The following MYO7A variants were observed in gnomAD, a reference collection of about 807,000 sequenced individuals.
The protein encoded by MYO7A is unconventional myosin-VIIa.
In MYO7A, 210 loss-of-function variants were observed where a neutral mutation model predicts 263.8. The ratio of observed to expected loss-of-function variants is 0.80; its 90% confidence interval spans 0.71 to 0.89. The LOEUF is 0.89. Among genes scored for constraint, MYO7A ranks in the 40% least tolerant of loss-of-function variants. The pLI, the probability that MYO7A is intolerant of heterozygous loss-of-function variation, is 0.00. For synonymous variants in MYO7A, 1,239 were observed against 1,197.3 expected (o/e 1.03, Z -0.72); for missense variants, 2,820 against 2,968.3 (o/e 0.95, Z 1.16).
chr11:77,153,393 G>T (rs118107987), intron 4 of MYO7A, among the ~76,000 whole-genome samples: 4,678 of 152,248 alleles, frequency 0.031, 143 homozygotes, highest in South Asian at 0.12. Context: ...GTGGCATTGA[G>T]TAGGGACATC....
chr11:77,163,621 C>T (rs1953229655), intron 14 of MYO7A, among the ~76,000 whole-genome samples: 3 of 152,162 alleles, frequency 2.0e-5, no homozygotes, highest in African/African-American at 7.2e-5. Flanking sequence ...ATCTTAGCCA[C>T]CACTATTGTA....
rs111865209 is a variant in MYO7A at position 77,174,347 on chromosome 11, G to A, written c.1936-409G>A. On this transcript the variant is annotated intron_variant, in intron 16 of 48. Transcript: ENST00000409709. Reference sequence around the variant, plus strand: ...CCCTCACCTGCACAGCCATAACTTGGCCTGGACGAGCCTCTCTAGCTCCCT... The same window carrying A: ...CCCTCACCTGCACAGCCATAACTTGACCTGGACGAGCCTCTCTAGCTCCCT... Among the ~76,000 whole-genome samples, 1,476 of 152,248 alleles carry A rather than the reference G, an allele frequency of 9.7e-3. 20 individuals are homozygous for A. Among genetic ancestry groups the A allele is most frequent in the African/African-American group, 0.031 (1,299 of 41,536 alleles).
At chr11:77,192,964 GA>G (rs1298254630) in intron 31 of MYO7A, among the ~76,000 whole-genome samples, 23 of 27,490 alleles carry the variant, frequency 8.4e-4, no homozygotes, top group African/African-American at 4.2e-3. Context: ...TGGTGTTGGT[GA>G]TGGTGGAGGT....
intron 2 of MYO7A, among the ~76,000 whole-genome samples, chr11:77,133,570 A>G (rs1395057229): frequency 6.6e-6 from 1 of 152,246 alleles, no homozygotes; most frequent in Non-Finnish European, 1.5e-5. Context: ...TACTATTTGC[A>G]TGAAATCCTT....
At chr11:77,180,716 G>A (rs1478371711) in intron 22 of MYO7A, among the ~76,000 whole-genome samples, 1 of 152,208 alleles carries the variant, frequency 6.6e-6, no homozygotes, top group East Asian at 1.9e-4. Context: ...GCCCTCAGCA[G>A]CCCCTTTCTA....
intron 1 of MYO7A, among the ~76,000 whole-genome samples, chr11:77,129,401 G>A (rs1950698416): frequency 6.6e-6 from 1 of 152,192 alleles, no homozygotes; most frequent in African/African-American, 2.4e-5. Flanking sequence ...GAATGCCCCG[G>A]CGGCTCTGAA....
rs111768640 is a variant in MYO7A, at chr11:77,211,071, G to A, written c.6052-81G>A. 7.5e-5 allele frequency: 99 copies of A among 1,322,956 alleles called. 2 individuals are homozygous for A. The African/African-American group carries it at 8.7e-4, about 12-fold the overall frequency. 82.0% of individuals were successfully genotyped at this position (1,322,956 alleles called of 1,614,324 possible). On this transcript the variant is annotated intron_variant, in intron 44 of 48. Coordinates refer to ENST00000409709, the MANE Select transcript of MYO7A (RefSeq NM_000260.4). The stretch of plus-strand genomic sequence containing the variant: ...GCGGGGTAAGGTGGTAGACCCCGGC[G>A]TTGGGGGTCTTGGTGTGGTGGGAAA...
chr11:77,165,866 G>A (rs1204626414), intron 14 of MYO7A, among the ~76,000 whole-genome samples, 190 bp from the exon 15 acceptor site: 3 of 152,088 alleles, frequency 2.0e-5, no homozygotes, highest in African/African-American at 7.2e-5. Flanking sequence ...CTGTGTCACT[G>A]GGGAGATGGC....
intron 14 of MYO7A, among the ~76,000 whole-genome samples, chr11:77,165,818 C>A (rs1156284741): frequency 6.6e-6 from 1 of 152,074 alleles, no homozygotes. Flanking sequence ...GAGACTGAGA[C>A]CCCCCTGCCC....
rs1174430126 is a variant in MYO7A at position 77,194,358 on chromosome 11, A to G, written c.4157A>G (p.Asp1386Gly). The G allele has an allele frequency of 1.2e-6, 2 of 1,611,426 alleles. No homozygotes were observed. The highest frequency in any genetic ancestry group is 1.7e-6 in the Non-Finnish European group (2 of 1,178,824). ...KFGEYRCEKE[D>G]DLAELASQQY... is the part of the protein sequence containing the mutation. ...CCGAGGCCTCCCCCCACCTAGGAGG[A>G]CGACCTGGCTGAGCTGGCCTCCCAG... is the stretch of plus-strand genomic sequence containing the variant. The change falls in exon 32 of 49, where the codon GAC becomes GGC. Residue 1386 changes from aspartate (D) to glycine (G), a missense_variant. Asp to Gly is a moderately conservative substitution (Grantham distance 94, BLOSUM62 -1). Coordinates refer to ENST00000409709, the MANE Select transcript of MYO7A (RefSeq NM_000260.4).
intron 36 of MYO7A, among the ~76,000 whole-genome samples, chr11:77,202,045 C>T: frequency 6.6e-6 from 1 of 152,140 alleles, no homozygotes; most frequent in Admixed American, 6.5e-5. Flanking sequence ...TACCATGTCC[C>T]GCTGCCTTGT....
At position 77,174,822 on chromosome 11, in the gene MYO7A, C is replaced by T. The variant is rs397516292; in HGVS notation, c.2002C>T (p.Arg668Cys). The T allele has an allele frequency of 3.5e-5, 57 of 1,613,186 alleles. No homozygotes were observed. The highest frequency in any genetic ancestry group is 6.7e-5 in the African/African-American group (5 of 74,940). The change falls in exon 17 of 49, where the codon CGC (arginine) becomes TGC (cysteine). Residue 668 changes from arginine (R) to cysteine (C), a missense_variant. Transcript: ENST00000409709. ...YSGMMETIRIRRAGYPIRYSF... is the reference protein window; with the variant it reads ...YSGMMETIRICRAGYPIRYSF... ...AGGAATGATGGAGACCATCCGAATC[C>T]GCCGAGCTGGCTACCCCATCCGCTA...
chr11:77,155,661 T>C lies in MYO7A; in HGVS notation c.286-246T>C, dbSNP rs75951912. ...AGATGAAGAGAAGGAAATCTAGGCT[T>C]AGAGACTCCACCTCCCTCTTCATCA... On this transcript the variant is annotated intron_variant, in intron 4 of 48. Coordinates refer to ENST00000409709, the MANE Select transcript of MYO7A (RefSeq NM_000260.4). Among the ~76,000 whole-genome samples, 5,587 of 152,290 alleles carry C rather than the reference T, an allele frequency of 0.037. 363 individuals are homozygous for C. The highest frequency in any genetic ancestry group is 0.13 in the African/African-American group (5,339 of 41,538).
Position 77,190,810 on chromosome 11 carries a change from C to G in MYO7A, c.3864C>G (p.Ala1288=), listed in dbSNP as rs144657938. ...TTAKELCNAL[A]DKISLKDRFG... ...CCAAGGAGCTCTGCAACGCGCTGGC[C>G]GACAAGATCTCTCTCAAGGACCGGT... is the stretch of plus-strand genomic sequence containing the variant. Residue 1288 remains alanine (A), a synonymous_variant, in exon 30 of 49, where the codon GCC becomes GCG. Transcript: ENST00000409709. The G allele has an allele frequency of 8.8e-6, 14 of 1,591,572 alleles. No homozygotes were observed. The highest frequency in any genetic ancestry group is 1.6e-4 in the Middle Eastern group (1 of 6,064).
intron 3 of MYO7A, among the ~76,000 whole-genome samples, chr11:77,144,005 A>G (rs12280483): frequency 0.48 from 72,316 of 151,978 alleles, 18,539 homozygotes; most frequent in East Asian, 0.7. Context: ...GCAGGGAGGG[A>G]AAGAATTGTC....
intron 16 of MYO7A, among the ~76,000 whole-genome samples, chr11:77,173,787 C>G (rs1456286286): frequency 1.3e-5 from 2 of 152,128 alleles, no homozygotes; most frequent in African/African-American, 4.8e-5. Flanking sequence ...AAACATGTCC[C>G]AGAGTGGATG....
At chr11:77,196,997 T>C (rs1199812084) in intron 32 of MYO7A, among the ~76,000 whole-genome samples, 1 of 152,208 alleles carries the variant, frequency 6.6e-6, no homozygotes, top group African/African-American at 2.4e-5. Flanking sequence ...CTGATCTTTC[T>C]AACTCCCAGA....
intron 25 of MYO7A, 103 bp from the exon 26 acceptor site, chr11:77,182,965 C>A: frequency 9.9e-7 from 1 of 1,011,628 alleles, no homozygotes; most frequent in Non-Finnish European, 1.5e-6. Flanking sequence ...ACCCTGTAAG[C>A]TTCACGTGGA....
At chr11:77,204,827 CA>C (rs1957330912) in intron 39 of MYO7A, among the ~76,000 whole-genome samples, 1 of 152,232 alleles carries the variant, frequency 6.6e-6, no homozygotes, top group African/African-American at 2.4e-5. Flanking sequence ...TCAAACTACA[CA>C]TCAGCTCTTT....
Sources: allele counts gnomAD v4.1 joint callset (sites outside exome capture counted in the v4.1 genomes callset), GRCh38; gene constraint gnomAD v4.1.1; transcripts MANE v1.5; gene names NCBI Gene and HGNC (gene_info 2026-07-23, HGNC 2026-07-21).